The following COL11A1 variants were observed in gnomAD, a reference collection of about 807,000 sequenced individuals.
COL11A1 encodes the protein collagen type XI alpha 1 chain.
Under a neutral mutation model 265.2 loss-of-function variants are expected in COL11A1, and 74 were observed. The observed-to-expected ratio is 0.28, with a 90% confidence interval of 0.23 to 0.34. COL11A1 has a LOEUF of 0.34. Among genes scored for constraint, COL11A1 ranks in the 10% least tolerant of loss-of-function variants. The pLI is 1.00. For missense variants in COL11A1, 2,165 were observed against 2,263.6 expected, an observed-to-expected ratio of 0.96 and a Z score of 0.88; for synonymous variants, 816 against 727.6, an observed-to-expected ratio of 1.12 and a Z score of -1.96.
In COL11A1 at chr1:103,022,613, A is replaced by G. The variant is rs1001866149; in HGVS notation, c.1245+129T>C. On this transcript the variant is annotated intron_variant, in intron 8 of 66. Transcript: ENST00000370096. ...AATCTAACAAGGTGTCCTAGTGGTA[A>G]TAGGCATTCATAATTTACATAAAAA... The G allele has an allele frequency of 4.9e-6, 5 of 1,025,490 alleles. No individual in the cohort carries two copies. In the African/African-American group the frequency reaches 7.9e-5, roughly 16 times the overall value. 63.5% of individuals were successfully genotyped at this position (1,025,490 alleles called of 1,614,324 possible). A position where few individuals can be genotyped will look rare whatever the true frequency, so the allele number is the denominator to read the frequency against.
chr1:103,056,551 A>C (rs947932359), intron 4 of COL11A1, among the ~76,000 whole-genome samples: 1 of 152,126 alleles, frequency 6.6e-6, no homozygotes, highest in Non-Finnish European at 1.5e-5. Flanking sequence ...TATCATAAAG[A>C]CTTCCTCTCA....
chr1:102,942,942 T>C (rs1658883423), intron 42 of COL11A1, among the ~76,000 whole-genome samples: 1 of 152,040 alleles, frequency 6.6e-6, no homozygotes, highest in African/African-American at 2.4e-5. Context: ...CTTTTCAGAG[T>C]TGAGAAAACA....
intron 6 of COL11A1, 49 bp downstream of exon 6, chr1:103,026,167 G>T: frequency 7.4e-7 from 1 of 1,354,304 alleles, no homozygotes; most frequent in Admixed American, 1.7e-5. Flanking sequence ...GGAACCACAG[G>T]ATGACGAACA....
At position 102,987,617 on chromosome 1, in the gene COL11A1, A is replaced by G. The variant is rs1039220146; in HGVS notation, c.2502+16T>C. 5.0e-6 allele frequency: 8 copies of G among 1,594,866 alleles called. No homozygotes were observed. Among genetic ancestry groups the G allele is most frequent in the Non-Finnish European group, 6.9e-6 (8 of 1,163,146 alleles). ...CAGCTGCAAGAGTACCAGTGAATTTAAAGTCATTTACCAACCTTTTCTCCT... is the reference window on the plus strand; with the variant it reads ...CAGCTGCAAGAGTACCAGTGAATTTGAAGTCATTTACCAACCTTTTCTCCT... On this transcript the variant is annotated intron_variant, in intron 30 of 66. Coordinates refer to ENST00000370096, the MANE Select transcript of COL11A1 (RefSeq NM_001854.4).
chr1:103,055,847 C>G (rs12131383), intron 4 of COL11A1, among the ~76,000 whole-genome samples: 1 of 152,104 alleles, frequency 6.6e-6, no homozygotes, highest in African/African-American at 2.4e-5. Context: ...AAGAAATGAA[C>G]ACTTTTCAAA....
intron 4 of COL11A1, among the ~76,000 whole-genome samples, chr1:103,069,806 C>T (rs1671433326): frequency 6.6e-6 from 1 of 151,702 alleles, no homozygotes; most frequent in Non-Finnish European, 1.5e-5. Context: ...TGGCAAAATG[C>T]AGACATCATC....
Position 103,021,057 on chromosome 1 carries a change from T to C in COL11A1, c.1308+650A>G, listed in dbSNP as rs1425789088. 2.7e-5 allele frequency among the ~76,000 whole-genome samples: 4 copies of C among 149,814 alleles called. No individual in the cohort carries two copies. In the East Asian group the frequency reaches 5.9e-4, roughly 22 times the overall value. On this transcript the variant is annotated intron_variant, in intron 9 of 66. Coordinates refer to ENST00000370096, the MANE Select transcript of COL11A1 (RefSeq NM_001854.4). The stretch of plus-strand genomic sequence containing the variant: ...TTTTATGTCCTTACAATTTCTGAAA[T>C]GATTTTCGTGTTGTTCTACCTTCAG...
At chr1:102,937,532 C>G (rs4908277) in intron 44 of COL11A1, among the ~76,000 whole-genome samples, 41,769 of 152,012 alleles carry the variant, frequency 0.27, 5,993 homozygotes, top group Middle Eastern at 0.36. Flanking sequence ...AAGGTGGATC[C>G]ATCAGGAATA....
intron 36 of COL11A1, among the ~76,000 whole-genome samples, chr1:102,971,503 A>G (rs930366048): frequency 6.6e-6 from 1 of 152,200 alleles, no homozygotes; most frequent in Non-Finnish European, 1.5e-5. Flanking sequence ...AATATTTTAA[A>G]TTATAACAGG....
chr1:103,011,525 A>T (rs1334509571), intron 14 of COL11A1, among the ~76,000 whole-genome samples: 1 of 152,054 alleles, frequency 6.6e-6, no homozygotes, highest in African/African-American at 2.4e-5. Context: ...AAAATCTTCG[A>T]TAAAATACAT....
In COL11A1 at chr1:102,984,194, A is replaced by G. The variant is rs372197926; in HGVS notation, c.2503-3T>C. The G allele has an allele frequency of 2.0e-5, 31 of 1,579,090 alleles. No individual in the cohort carries two copies. Among genetic ancestry groups the G allele is most frequent in the African/African-American group, 4.1e-5 (3 of 73,992 alleles). ...AATCCTGGAACTCCAAGTTTTCCCT[A>G]CAGTTAAAATATATAATAATCAAAG... On this transcript the variant is annotated splice_polypyrimidine_tract_variant and splice_region_variant and intron_variant, in intron 30 of 66. Coordinates refer to ENST00000370096, the MANE Select transcript of COL11A1 (RefSeq NM_001854.4).
At chr1:102,994,287 C>A (rs1382202241) in intron 28 of COL11A1, among the ~76,000 whole-genome samples, 3 of 152,058 alleles carry the variant, frequency 2.0e-5, no homozygotes, top group Non-Finnish European at 4.4e-5. Context: ...AAAGTGGGAC[C>A]TGGTGGGGGG....
chr1:102,995,451 G>C (rs1272004310), intron 28 of COL11A1, among the ~76,000 whole-genome samples: 2 of 151,832 alleles, frequency 1.3e-5, no homozygotes, highest in Admixed American at 6.6e-5. Flanking sequence ...TAACTTTCCT[G>C]TTTTGTGCTG....
At chr1:103,077,626 A>T (rs1354183603) in intron 3 of COL11A1, among the ~76,000 whole-genome samples, 1 of 152,138 alleles carries the variant, frequency 6.6e-6, no homozygotes, top group African/African-American at 2.4e-5. Flanking sequence ...CTTCCTTCTT[A>T]TAGCTATAAC....
intron 44 of COL11A1, among the ~76,000 whole-genome samples, chr1:102,938,356 G>A (rs1658363599): frequency 6.7e-6 from 1 of 148,878 alleles, no homozygotes; most frequent in African/African-American, 2.5e-5. Context: ...TTCTATCAGA[G>A]AGCAAATACA....
chr1:102,960,032 G>A lies in COL11A1; in HGVS notation c.3168+1834C>T, dbSNP rs188629800. Among the ~76,000 whole-genome samples the A allele has an allele frequency of 8.2e-4, 124 of 152,114 alleles. 1 individual carries two copies. Among genetic ancestry groups the A allele is most frequent in the African/African-American group, 2.9e-3 (120 of 41,522 alleles). On this transcript the variant is annotated intron_variant, in intron 41 of 66. Coordinates refer to ENST00000370096, the MANE Select transcript of COL11A1 (RefSeq NM_001854.4). ...ATTCTATATCTAAATAAGAACTTTTGTCTTATTAAGTTGTTGTTGCTGCTA... is the reference window on the plus strand; with the variant it reads ...ATTCTATATCTAAATAAGAACTTTTATCTTATTAAGTTGTTGTTGCTGCTA...
intron 46 of COL11A1, among the ~76,000 whole-genome samples, chr1:102,925,427 A>G (rs1175782998): frequency 1.3e-5 from 2 of 152,066 alleles, no homozygotes; most frequent in East Asian, 1.9e-4. Flanking sequence ...ATATTTATAT[A>G]TTTGTTTAAT....
chr1:103,076,758 C>G (rs1201112265), intron 3 of COL11A1, among the ~76,000 whole-genome samples: 1 of 152,086 alleles, frequency 6.6e-6, no homozygotes, highest in Non-Finnish European at 1.5e-5. Flanking sequence ...GTTCAAAGAA[C>G]TATCAGCACT....
chr1:103,002,577 C>T, intron 22 of COL11A1, 96 bp from the exon 23 acceptor site: 1 of 1,188,806 alleles, frequency 8.4e-7, no homozygotes, highest in Non-Finnish European at 1.2e-6. Flanking sequence ...CACCCTCAAA[C>T]AGTTTTCCCT....
Sources: allele counts gnomAD v4.1 joint callset (sites outside exome capture counted in the v4.1 genomes callset), GRCh38; gene constraint gnomAD v4.1.1; transcripts MANE v1.5; gene names NCBI Gene and HGNC (gene_info 2026-07-23, HGNC 2026-07-21).